The following RBFOX1 variants were observed in gnomAD, a reference collection of about 807,000 sequenced individuals.
The protein encoded by RBFOX1 is RNA binding fox-1 homolog 1.
RBFOX1 carries 8 observed loss-of-function variants against 57.7 expected under a neutral mutation model. The observed-to-expected ratio is 0.14, with a 90% CI of 0.08 to 0.25. The LOEUF (loss-of-function observed/expected upper bound fraction) is 0.25, where lower values mean the gene tolerates loss of function less well. Among genes scored for constraint, RBFOX1 ranks in the 10% least tolerant of loss-of-function variants. RBFOX1 has a pLI of 1.00. For synonymous variants in RBFOX1, 326 were observed against 222.4 expected, an observed-to-expected ratio of 1.47 and a Z score of -4.15; for missense variants, 611 against 548.5, an observed-to-expected ratio of 1.11 and a Z score of -1.14.
At chr16:7,159,253 C>CT (rs1172582579) in intron 4 of RBFOX1, among the ~76,000 whole-genome samples, 3 of 151,452 alleles carry the variant, frequency 2.0e-5, no homozygotes, top group Non-Finnish European at 2.9e-5. Context: ...ACCCAAGAAT[C>CT]TTTTTTCAGT....
chr16:7,267,005 C>T (rs865782798), intron 4 of RBFOX1, among the ~76,000 whole-genome samples: 2 of 152,010 alleles, frequency 1.3e-5, no homozygotes, highest in Non-Finnish European at 2.9e-5. Context: ...AAAACAAAAA[C>T]AAGGTTCAAA....
intron 3 of RBFOX1, among the ~76,000 whole-genome samples, chr16:6,717,237 T>TAA (rs374232884): frequency 2.0e-5 from 3 of 148,652 alleles, no homozygotes; most frequent in African/African-American, 7.4e-5. Flanking sequence ...AGCAAACTGT[T>TAA]AAAAAAAAAA....
At chr16:5,863,258 A>T (rs2057268323) in intron 3 of RBFOX1, among the ~76,000 whole-genome samples, 1 of 152,198 alleles carries the variant, frequency 6.6e-6, no homozygotes, top group African/African-American at 2.4e-5. Flanking sequence ...GATTAAAGGG[A>T]TGGGAAATAG....
intron 4 of RBFOX1, among the ~76,000 whole-genome samples, chr16:7,107,403 C>G (rs538376111): frequency 2.0e-5 from 3 of 152,208 alleles, no homozygotes; most frequent in African/African-American, 7.2e-5. Context: ...GAGGCTGGAC[C>G]TCACCTTAGG....
At chr16:5,951,275 C>T (rs555802821) in intron 4 of RBFOX1, among the ~76,000 whole-genome samples, 2 of 152,218 alleles carry the variant, frequency 1.3e-5, no homozygotes, top group South Asian at 2.1e-4. Flanking sequence ...TGATGAAACC[C>T]TGTCTTTACT....
intron 4 of RBFOX1, among the ~76,000 whole-genome samples, chr16:7,508,784 C>T (rs188038332): frequency 9.4e-4 from 143 of 152,264 alleles, no homozygotes; most frequent in African/African-American, 3.3e-3. Flanking sequence ...CCACCCTCAC[C>T]TCCTCCTCTG....
intron 1 of RBFOX1, among the ~76,000 whole-genome samples, chr16:6,304,430 T>C (rs749696410): frequency 2.6e-5 from 4 of 152,116 alleles, no homozygotes; most frequent in Non-Finnish European, 5.9e-5. Flanking sequence ...CTCACCTCCA[T>C]GGAACTGGTG....
At chr16:7,256,878 C>G (rs996363411) in intron 4 of RBFOX1, among the ~76,000 whole-genome samples, 3 of 152,160 alleles carry the variant, frequency 2.0e-5, no homozygotes, top group Admixed American at 2.0e-4. Context: ...ACTAGGGCAT[C>G]TGAAAGTCCA....
chr16:7,134,896 T>A (rs918336949), intron 4 of RBFOX1, among the ~76,000 whole-genome samples: 8 of 152,276 alleles, frequency 5.3e-5, no homozygotes, highest in African/African-American at 1.9e-4. Flanking sequence ...CAGCATTCTT[T>A]GGCTTTATGG....
chr16:7,192,291 T>G (rs1234655776), intron 4 of RBFOX1, among the ~76,000 whole-genome samples: 1 of 152,232 alleles, frequency 6.6e-6, no homozygotes, highest in Non-Finnish European at 1.5e-5. Context: ...CTTGTGAATC[T>G]GACGTTAGGG....
chr16:7,115,683 C>G (rs1033429592), intron 4 of RBFOX1, among the ~76,000 whole-genome samples: 27 of 152,128 alleles, frequency 1.8e-4, no homozygotes, highest in Non-Finnish European at 3.2e-4. Flanking sequence ...GAGGGGACAC[C>G]CAAGACAGAG....
intron 5 of RBFOX1, among the ~76,000 whole-genome samples, chr16:7,568,919 A>T (rs2152752481): frequency 6.6e-6 from 1 of 151,384 alleles, no homozygotes; most frequent in Admixed American, 6.6e-5. Context: ...ATCACTTAAA[A>T]CTGTCTGGGA....
chr16:5,380,936 C>A (rs536970536), intron 1 of RBFOX1, among the ~76,000 whole-genome samples: 5 of 152,206 alleles, frequency 3.3e-5, no homozygotes, highest in African/African-American at 4.8e-5. Flanking sequence ...CCTTTTTATG[C>A]ACTAAAATGG....
intron 2 of RBFOX1, among the ~76,000 whole-genome samples, chr16:6,378,182 A>G (rs2091412111): frequency 6.6e-6 from 1 of 152,248 alleles, no homozygotes; most frequent in Non-Finnish European, 1.5e-5. Flanking sequence ...GGCTGCCAGC[A>G]GCAGATGTTT....
At chr16:5,552,183 G>C (rs116719694) in intron 2 of RBFOX1, among the ~76,000 whole-genome samples, 2 of 152,188 alleles carry the variant, frequency 1.3e-5, no homozygotes, top group Non-Finnish European at 2.9e-5. Flanking sequence ...AAGGAGTGCA[G>C]CTTCTCTGAG....
intron 1 of RBFOX1, among the ~76,000 whole-genome samples, chr16:5,387,360 C>G (rs1236487935): frequency 6.6e-6 from 1 of 152,166 alleles, no homozygotes; most frequent in African/African-American, 2.4e-5. Flanking sequence ...ATAAATAAGT[C>G]CAGGAGAGGC....
chr16:7,164,194 A>C (rs762874337), intron 4 of RBFOX1, among the ~76,000 whole-genome samples: 20 of 152,242 alleles, frequency 1.3e-4, no homozygotes, highest in Non-Finnish European at 1.8e-4. Flanking sequence ...TAGCCCCCAC[A>C]TATGAGTGAG....
chr16:7,663,318 C>T (rs975291932), intron 12 of RBFOX1, among the ~76,000 whole-genome samples: 1 of 152,178 alleles, frequency 6.6e-6, no homozygotes, highest in African/African-American at 2.4e-5. Context: ...GTAGCCCTCC[C>T]GGATCAAATA....
intron 1 of RBFOX1, among the ~76,000 whole-genome samples, chr16:5,291,294 A>C (rs539611308): frequency 2.5e-5 from 3 of 122,256 alleles, no homozygotes; most frequent in East Asian, 2.3e-4. Flanking sequence ...ACGGAGTCTC[A>C]CTCTGTCACC....
Sources: gnomAD v4.1 joint callset for allele counts (sites outside exome capture counted in the v4.1 genomes callset) on GRCh38, gnomAD v4.1.1 for gene constraint, MANE v1.5 for transcripts, NCBI Gene and HGNC (gene_info 2026-07-23, HGNC 2026-07-21) for gene names.